The following COMMD10 variants were observed in gnomAD, a reference collection of about 807,000 sequenced individuals.
COMMD10 encodes the protein COMM domain-containing protein 10.
In COMMD10, 33 loss-of-function variants were observed where a neutral mutation model predicts 28.9. That is an observed-to-expected ratio of 1.14 (90% CI 0.87 to 1.53). The LOEUF (loss-of-function observed/expected upper bound fraction) is 1.53, where lower values mean the gene tolerates loss of function less well. Among genes scored for constraint, COMMD10 ranks in the 40% most tolerant of loss-of-function variants. The probability of loss-of-function intolerance (pLI) is 0.00; values close to 1 mark genes in which losing one functional copy is unlikely to be tolerated. For synonymous variants in COMMD10, 110 were observed against 81.7 expected (o/e 1.35, Z -1.87); for missense variants, 310 against 233.4 (o/e 1.33, Z -2.14).
intron 4 of COMMD10, among the ~76,000 whole-genome samples, chr5:116,108,957 C>T (rs553255364): frequency 6.6e-6 from 1 of 152,098 alleles, no homozygotes; most frequent in Non-Finnish European, 1.5e-5. Context: ...GGGGGATCTC[C>T]TGACCCGTTG....
intron 5 of COMMD10, among the ~76,000 whole-genome samples, chr5:116,268,883 TG>T (rs899878492): frequency 6.7e-6 from 1 of 148,832 alleles, no homozygotes; most frequent in Non-Finnish European, 1.5e-5. Context: ...CACTCATAGG[TG>T]GGAATTGAAC....
chr5:116,256,414 T>A (rs1750287765), intron 5 of COMMD10, among the ~76,000 whole-genome samples: 1 of 151,790 alleles, frequency 6.6e-6, no homozygotes, highest in African/African-American at 2.4e-5. Flanking sequence ...TATAATAGAC[T>A]GTAACTCCTT....
intron 5 of COMMD10, among the ~76,000 whole-genome samples, chr5:116,237,007 G>A (rs1580571707): frequency 1.3e-5 from 2 of 152,026 alleles, no homozygotes; most frequent in African/African-American, 4.8e-5. Flanking sequence ...ATGTATTGGG[G>A]TGGGGGTATG....
At chr5:116,129,293 C>G (rs1384003514) in intron 4 of COMMD10, among the ~76,000 whole-genome samples, 2 of 148,412 alleles carry the variant, frequency 1.3e-5, no homozygotes, top group Non-Finnish European at 3.0e-5. Flanking sequence ...TAAGCGTTAC[C>G]TGTCTCACAG....
intron 5 of COMMD10, among the ~76,000 whole-genome samples, chr5:116,150,604 A>T (rs1013218538): frequency 7.3e-6 from 1 of 137,918 alleles, no homozygotes; most frequent in Non-Finnish European, 1.5e-5. Flanking sequence ...TAGGTATTTT[A>T]TTCTCTTTGA....
At chr5:116,177,897 C>T (rs1475552988) in intron 5 of COMMD10, among the ~76,000 whole-genome samples, 1 of 152,076 alleles carries the variant, frequency 6.6e-6, no homozygotes, top group African/African-American at 2.4e-5. Flanking sequence ...TTACACAGCA[C>T]ATAGTGGGTG....
At chr5:116,269,610 T>G (rs967107143) in intron 5 of COMMD10, among the ~76,000 whole-genome samples, 4 of 151,936 alleles carry the variant, frequency 2.6e-5, no homozygotes, top group African/African-American at 9.7e-5. Context: ...TTAAATTGTA[T>G]GGTTTTCCCT....
intron 5 of COMMD10, among the ~76,000 whole-genome samples, chr5:116,234,430 T>C (rs1327874304): frequency 6.6e-6 from 1 of 152,152 alleles, no homozygotes; most frequent in Non-Finnish European, 1.5e-5. Context: ...CAAGGTCACA[T>C]GGACAGGAAC....
Position 116,125,207 on chromosome 5 carries a change from A to G in COMMD10, c.400-8861A>G, listed in dbSNP as rs1178952749. ...TGGCTGGTACCAGTTGTTCCTTTCC[A>G]TGTTTAGTGCTTCCTTCAGGAGCTC... On this transcript the variant is annotated intron_variant, in intron 4 of 6. Transcript: ENST00000274458. Among the ~76,000 whole-genome samples the G allele has an allele frequency of 7.2e-5, 11 of 152,070 alleles. No individual in the cohort carries two copies. The East Asian group carries it at 2.1e-3, about 29-fold the overall frequency.
At chr5:116,173,855 T>TTTTTG (rs1561648148) in intron 5 of COMMD10, among the ~76,000 whole-genome samples, 3 of 150,784 alleles carry the variant, frequency 2.0e-5, no homozygotes, top group Non-Finnish European at 4.4e-5. Flanking sequence ...TTTTGTTTTT[T>TTTTTG]TTTTTTTGGA....
Position 116,262,039 on chromosome 5 carries a change from G to A in COMMD10, c.511-29478G>A, listed in dbSNP as rs183114208. ...ATTTTTTCCACTTTCAGATAAAGAAGGTAAGGCACAGAGAGGTTAATTACT... is the reference window on the plus strand; with the variant it reads ...ATTTTTTCCACTTTCAGATAAAGAAAGTAAGGCACAGAGAGGTTAATTACT... On this transcript the variant is annotated intron_variant, in intron 5 of 6. Transcript: ENST00000274458. Among the ~76,000 whole-genome samples, 4 of 151,752 alleles carry A rather than the reference G, an allele frequency of 2.6e-5. No individual in the cohort carries two copies. The East Asian group carries it at 7.8e-4, about 29-fold the overall frequency.
intron 5 of COMMD10, chr5:116,218,427 A>G: frequency 2.6e-6 from 1 of 380,170 alleles, no homozygotes; most frequent in Admixed American, 3.7e-5. Flanking sequence ...TTAATAGTAA[A>G]TTCTTTATAA....
chr5:116,218,338 G>C, intron 5 of COMMD10: 1 of 656,316 alleles, frequency 1.5e-6, no homozygotes, highest in Non-Finnish European at 2.8e-6. Context: ...ACTGGGCGTA[G>C]GATGCAGAGG....
intron 5 of COMMD10, among the ~76,000 whole-genome samples, chr5:116,251,309 T>C (rs1384544028): frequency 1.3e-5 from 2 of 149,558 alleles, no homozygotes; most frequent in Admixed American, 6.7e-5. Context: ...TTTATTATTA[T>C]ACTTTAAGTT....
chr5:116,101,629 G>A (rs200162767), intron 4 of COMMD10, among the ~76,000 whole-genome samples: 1 of 152,102 alleles, frequency 6.6e-6, no homozygotes, highest in South Asian at 2.1e-4. Context: ...GTTTCACCAT[G>A]TTGGTCAGGC....
chr5:116,220,821 G>A (rs1299392883), intron 5 of COMMD10, among the ~76,000 whole-genome samples: 1 of 151,904 alleles, frequency 6.6e-6, no homozygotes, highest in Non-Finnish European at 1.5e-5. Context: ...TATTTTAAAG[G>A]GACCATCTTT....
intron 4 of COMMD10, among the ~76,000 whole-genome samples, chr5:116,131,195 G>T (rs144691974): frequency 6.6e-6 from 1 of 151,828 alleles, no homozygotes; most frequent in Non-Finnish European, 1.5e-5. Context: ...TGAGAATATC[G>T]AGGCCCAAAG....
At chr5:116,243,945 T>A (rs1749875337) in intron 5 of COMMD10, among the ~76,000 whole-genome samples, 1 of 152,146 alleles carries the variant, frequency 6.6e-6, no homozygotes, top group Non-Finnish European at 1.5e-5. Context: ...TTTGAAACTT[T>A]ATCTGAAATC....
At chr5:116,241,094 T>C (rs1435129332) in intron 5 of COMMD10, among the ~76,000 whole-genome samples, 1 of 152,172 alleles carries the variant, frequency 6.6e-6, no homozygotes, top group Non-Finnish European at 1.5e-5. Context: ...AAGCAGAGGT[T>C]TCCATTCCTA....
Sources: allele counts gnomAD v4.1 joint callset (sites outside exome capture counted in the v4.1 genomes callset), GRCh38; gene constraint gnomAD v4.1.1; transcripts MANE v1.5; gene names NCBI Gene and HGNC (gene_info 2026-07-23, HGNC 2026-07-21).